The following ZNF701 variants were observed in gnomAD, a reference collection of about 807,000 sequenced individuals.
ZNF701 encodes zinc finger protein 701.
ZNF701 carries 6 observed loss-of-function variants against 7.1 expected under a neutral mutation model. That is an observed-to-expected ratio of 0.84 (90% CI 0.46 to 1.66). ZNF701 has a LOEUF of 1.66. Among genes scored for constraint, ZNF701 ranks in the 40% most tolerant of loss-of-function variants. The pLI is 0.01. For synonymous variants in ZNF701, 166 were observed against 188.2 expected, an observed-to-expected ratio of 0.88 and a Z score of 0.97; for missense variants, 541 against 559.2, an observed-to-expected ratio of 0.97 and a Z score of 0.33.
the ZNF701 span, chr19:52,592,293 T>A: frequency 2.1e-6 from 3 of 1,459,146 alleles, no homozygotes; most frequent in Non-Finnish European, 1.9e-6. Flanking sequence ...TTCCTGGTTT[T>A]GTATTCTCTT....
At chr19:52,571,300 C>G (rs963668229) in intron 1 of ZNF701, among the ~76,000 whole-genome samples, 8 of 150,958 alleles carry the variant, frequency 5.3e-5, no homozygotes, top group African/African-American at 2.0e-4. Flanking sequence ...GTGCTGGTGG[C>G]AAGGAGAACA....
At chr19:52,591,246 C>T (rs11882556), downstream of ZNF701, among the ~76,000 whole-genome samples, 32,966 of 152,076 alleles carry the variant, frequency 0.22, 3,674 homozygotes, top group South Asian at 0.3. Flanking sequence ...GGTGCGATCT[C>T]GGCTTACAGC....
At chr19:52,592,077 T>G (rs2060039214), downstream of ZNF701, 17 of 855,930 alleles carry the variant, frequency 2.0e-5, no homozygotes, top group South Asian at 2.6e-4. Context: ...CCTAATGTTT[T>G]GTTGAAATCT....
chr19:52,576,797 G>A (rs554328613), intron 3 of ZNF701, among the ~76,000 whole-genome samples: 70 of 152,232 alleles, frequency 4.6e-4, no homozygotes, highest in Non-Finnish European at 7.9e-4. Context: ...GCACGTCTTA[G>A]TACTTTCTTT....
chr19:52,597,094 G>A, the ZNF701 span: 1 of 1,121,154 alleles, frequency 8.9e-7, no homozygotes, highest in Non-Finnish European at 1.3e-6. Context: ...TCTTACAAGT[G>A]TAATAAATGT....
downstream of ZNF701, among the ~76,000 whole-genome samples, chr19:52,589,942 C>T (rs550492092): frequency 3.9e-5 from 6 of 152,068 alleles, no homozygotes; most frequent in South Asian, 6.2e-4. Context: ...TACAAGTGCG[C>T]ACCACTACAC....
the ZNF701 span, among the ~76,000 whole-genome samples, chr19:52,599,854 C>G: frequency 1.2e-4 from 19 of 152,170 alleles, no homozygotes; most frequent in African/African-American, 4.3e-4. Flanking sequence ...TTGTAAAACT[C>G]ACACTTGCCA....
At position 52,582,440 on chromosome 19, in the gene ZNF701, T is replaced by C; in HGVS notation, c.381T>C (p.Asp127=). The part of the protein sequence containing the change: ...KKLMSSTERH[D]QRHAGNKPIK... Reference sequence around the variant, plus strand: ...TGATGAGTAGTACAGAGCGACATGATCAAAGGCATGCTGGAAACAAACCTA... The same window carrying C: ...TGATGAGTAGTACAGAGCGACATGACCAAAGGCATGCTGGAAACAAACCTA... Residue 127 remains aspartate, a synonymous_variant, in exon 4 of 4, where the codon GAT becomes GAC. Transcript: ENST00000391785. 1.9e-6 allele frequency: 3 copies of C among 1,614,164 alleles called. No individual in the cohort carries two copies.
intron 3 of ZNF701, among the ~76,000 whole-genome samples, chr19:52,578,576 T>A (rs1244146061): frequency 6.6e-6 from 1 of 152,186 alleles, no homozygotes; most frequent in African/African-American, 2.4e-5. Flanking sequence ...CATCTCCGCA[T>A]AAGAGAACAC....
intron 1 of ZNF701, among the ~76,000 whole-genome samples, chr19:52,571,911 C>T (rs976236655): frequency 4.6e-5 from 7 of 152,088 alleles, no homozygotes; most frequent in Admixed American, 1.3e-4. Context: ...GCAACCTCCA[C>T]CTCCCGAGTT....
In ZNF701 at chr19:52,585,329, C is replaced by T. The variant is rs1294876875; in HGVS notation, c.*1872C>T. 6.6e-6 allele frequency: 1 copy of T among 152,654 alleles called. No individual in the cohort carries two copies. The highest frequency in any genetic ancestry group is 1.5e-5 in the Non-Finnish European group (1 of 68,416). 9.5% of individuals were successfully genotyped at this position (152,654 alleles called of 1,614,324 possible). ...AGCCCCACTCCCGGGAAGGCCGCGT[C>T]CTCTGCCTGGTCCTGGGATCCTGCA... is the stretch of plus-strand genomic sequence containing the variant. On this transcript the variant is annotated 3_prime_UTR_variant, in exon 4 of 4. Coordinates refer to ENST00000391785, the MANE Select transcript of ZNF701 (RefSeq NM_018260.3).
intron 3 of ZNF701, among the ~76,000 whole-genome samples, chr19:52,576,567 C>T (rs1341076985): frequency 1.3e-5 from 2 of 151,760 alleles, no homozygotes; most frequent in African/African-American, 2.4e-5. Context: ...AACCTTATGG[C>T]AGACTTTAAT....
At chr19:52,593,658 G>A in the ZNF701 span, among the ~76,000 whole-genome samples, 967 of 110,512 alleles carry the variant, frequency 8.8e-3, 266 homozygotes, top group African/African-American at 0.033. Context: ...GCTGCCGGGC[G>A]GAGGGGCTTC....
the ZNF701 span, chr19:52,597,354 T>G: frequency 1.9e-6 from 1 of 539,684 alleles, no homozygotes; most frequent in Non-Finnish European, 3.8e-6. Flanking sequence ...ATGTCTTAAG[T>G]GTGGCAAGGT....
chr19:52,578,658 A>G (rs1008406927), intron 3 of ZNF701, among the ~76,000 whole-genome samples: 15 of 152,230 alleles, frequency 9.9e-5, no homozygotes, highest in Admixed American at 2.0e-4. Flanking sequence ...AAGCTCAACT[A>G]TTGTTATTAT....
Position 52,582,755 on chromosome 19 carries a change from AC to A in ZNF701, c.697del (p.His233IlefsTer3), listed in dbSNP as rs767860711. The A allele has an allele frequency of 9.9e-6, 16 of 1,614,112 alleles. No homozygotes were observed. In the African/African-American group the frequency reaches 1.1e-4, roughly 11 times the overall value. ...AFNGSSLLKK[H>X]QIIHLGDKQY... ...TTAATGGTAGCTCACTCTTAAAAAA[AC>A]ATCAGATAATCCATTTAGGAGACAA... On this transcript the variant is annotated frameshift_variant, in exon 4 of 4. Coordinates refer to ENST00000391785, the MANE Select transcript of ZNF701 (RefSeq NM_018260.3). LOFTEE classifies it low-confidence loss of function (END_TRUNC).
intron 3 of ZNF701, among the ~76,000 whole-genome samples, chr19:52,579,462 G>A (rs1417513195): frequency 7.7e-6 from 1 of 130,622 alleles, no homozygotes; most frequent in Admixed American, 7.9e-5. Flanking sequence ...GGGGGTTGCA[G>A]TGATCCGAGA....
the ZNF701 span, chr19:52,597,092 G>T: frequency 8.8e-7 from 1 of 1,140,834 alleles, no homozygotes; most frequent in Non-Finnish European, 1.3e-6. Context: ...GATCTTACAA[G>T]TGTAATAAAT....
intron 3 of ZNF701, among the ~76,000 whole-genome samples, chr19:52,579,634 G>C (rs1224921071): frequency 7.1e-6 from 1 of 141,688 alleles, no homozygotes; most frequent in African/African-American, 3.1e-5. Flanking sequence ...AGTAATTTGG[G>C]AGGCTGAGGT....
Sources: allele counts gnomAD v4.1 joint callset (sites outside exome capture counted in the v4.1 genomes callset), GRCh38; gene constraint gnomAD v4.1.1; transcripts MANE v1.5; gene names NCBI Gene and HGNC (gene_info 2026-07-23, HGNC 2026-07-21).